The following AGBL1 variants were observed in gnomAD, a reference collection of about 807,000 sequenced individuals.
The protein encoded by AGBL1 is AGBL carboxypeptidase 1.
AGBL1 carries 130 observed loss-of-function variants against 118.9 expected under a neutral mutation model. That is an observed-to-expected ratio of 1.09 (90% CI 0.95 to 1.26). The LOEUF is 1.26. AGBL1 is among the 50% of genes most tolerant of loss of function. The probability of loss-of-function intolerance (pLI) is 0.00; values close to 1 mark genes in which losing one functional copy is unlikely to be tolerated. For missense variants in AGBL1, 1,584 were observed against 1,298.1 expected (o/e 1.22, Z -3.38); for synonymous variants, 555 against 478.9 (o/e 1.16, Z -2.08).
intron 18 of AGBL1, among the ~76,000 whole-genome samples, chr15:86,471,028 C>A (rs2082472430): frequency 6.6e-6 from 1 of 151,946 alleles, no homozygotes; most frequent in Non-Finnish European, 1.5e-5. Context: ...CTTTTCTTGC[C>A]AAATTGCCCT....
At chr15:86,300,140 C>A (rs2079722911) in intron 17 of AGBL1, among the ~76,000 whole-genome samples, 1 of 152,122 alleles carries the variant, frequency 6.6e-6, no homozygotes, top group Non-Finnish European at 1.5e-5. Flanking sequence ...CCTCTTTAGG[C>A]TTTGGTCTTA....
intron 18 of AGBL1, among the ~76,000 whole-genome samples, chr15:86,492,900 A>T (rs1266474752): frequency 6.6e-6 from 1 of 151,066 alleles, no homozygotes; most frequent in East Asian, 2.0e-4. Context: ...AGAAAGAGAT[A>T]GATATAGGCC....
chr15:86,818,515 A>G (rs752913603), intron 22 of AGBL1, among the ~76,000 whole-genome samples: 4 of 152,108 alleles, frequency 2.6e-5, no homozygotes, highest in Admixed American at 1.3e-4. Flanking sequence ...CCAAACCCCA[A>G]CTGTGGTCCC....
chr15:86,679,506 C>T (rs1441578053), intron 22 of AGBL1, among the ~76,000 whole-genome samples: 1 of 151,962 alleles, frequency 6.6e-6, no homozygotes, highest in African/African-American at 2.4e-5. Flanking sequence ...GGATAGAAAA[C>T]AGTATCATTT....
At chr15:86,297,731 C>T (rs1433502231) in intron 17 of AGBL1, among the ~76,000 whole-genome samples, 2 of 152,116 alleles carry the variant, frequency 1.3e-5, no homozygotes, top group Non-Finnish European at 2.9e-5. Context: ...TTCAGGACCC[C>T]TTATTTTACA....
At chr15:87,011,850 T>C (rs564400890) in intron 24 of AGBL1, among the ~76,000 whole-genome samples, 2 of 152,222 alleles carry the variant, frequency 1.3e-5, no homozygotes, top group Non-Finnish European at 2.9e-5. Flanking sequence ...AGAATGCCCA[T>C]TGTGTATATT....
intron 1 of AGBL1, among the ~76,000 whole-genome samples, chr15:86,121,203 T>C (rs907956982): frequency 3.3e-5 from 5 of 152,188 alleles, no homozygotes; most frequent in African/African-American, 1.2e-4. Context: ...TGGCCCACTT[T>C]TATCATTTTT....
intron 22 of AGBL1, among the ~76,000 whole-genome samples, chr15:86,813,594 C>A (rs1446873666): frequency 6.6e-6 from 1 of 152,096 alleles, no homozygotes. Flanking sequence ...TCATCTCTCT[C>A]AGGCCAACAG....
intron 23 of AGBL1, among the ~76,000 whole-genome samples, chr15:86,981,812 C>T (rs1371170154): frequency 6.6e-6 from 1 of 152,086 alleles, no homozygotes; most frequent in Non-Finnish European, 1.5e-5. Flanking sequence ...GATCCATCAC[C>T]ATTCTAAACC....
At chr15:86,844,808 T>C (rs1391376393) in intron 22 of AGBL1, among the ~76,000 whole-genome samples, 1 of 152,182 alleles carries the variant, frequency 6.6e-6, no homozygotes, top group African/African-American at 2.4e-5. Flanking sequence ...AATTTTGTCC[T>C]ATATTTCCAT....
chr15:87,002,030 G>A (rs1596727219), intron 24 of AGBL1, among the ~76,000 whole-genome samples: 1 of 152,126 alleles, frequency 6.6e-6, no homozygotes, highest in African/African-American at 2.4e-5. Context: ...TGCTTTTGGT[G>A]TTTTAGGCAT....
At chr15:86,280,753 T>C (rs1300810509) in intron 16 of AGBL1, among the ~76,000 whole-genome samples, 1 of 152,186 alleles carries the variant, frequency 6.6e-6, no homozygotes, top group Non-Finnish European at 1.5e-5. Context: ...TGTGCAGGTA[T>C]AAATGTGAAT....
intron 22 of AGBL1, among the ~76,000 whole-genome samples, chr15:86,791,119 A>G (rs1347454305): frequency 2.0e-5 from 3 of 152,182 alleles, no homozygotes; most frequent in African/African-American, 7.2e-5. Context: ...AATCTGGAAA[A>G]CACACGAACG....
intron 24 of AGBL1, among the ~76,000 whole-genome samples, chr15:86,997,892 CACACACACACACA>C (rs1567278941): frequency 0.079 from 2,259 of 28,580 alleles, 58 homozygotes; most frequent in African/African-American, 0.12. Flanking sequence ...ATGTGGAAGA[CACACACACACACA>C]CACACACACA....
chr15:86,441,890 C>T (rs566942002), intron 18 of AGBL1, among the ~76,000 whole-genome samples: 6 of 152,286 alleles, frequency 3.9e-5, no homozygotes, highest in South Asian at 4.1e-4. Context: ...GGCTGAGATC[C>T]GTTCTTGAAC....
chr15:86,205,867 T>G (rs1240943246), intron 5 of AGBL1, among the ~76,000 whole-genome samples: 1 of 152,222 alleles, frequency 6.6e-6, no homozygotes, highest in Admixed American at 6.5e-5. Flanking sequence ...CTAGGGTACA[T>G]GGGCACAACG....
chr15:86,499,497 A>C (rs1281768301), intron 18 of AGBL1, among the ~76,000 whole-genome samples: 1 of 151,914 alleles, frequency 6.6e-6, no homozygotes, highest in Non-Finnish European at 1.5e-5. Flanking sequence ...AGCAAGAATC[A>C]AATCTGTGGA....
chr15:86,437,611 C>G (rs886564890), intron 18 of AGBL1, among the ~76,000 whole-genome samples: 4 of 152,176 alleles, frequency 2.6e-5, no homozygotes, highest in African/African-American at 9.7e-5. Context: ...AATCCTAATC[C>G]TGGTTGGTGA....
At chr15:86,570,761 C>T (rs764431210) in intron 21 of AGBL1, among the ~76,000 whole-genome samples, 8 of 152,106 alleles carry the variant, frequency 5.3e-5, no homozygotes, top group Non-Finnish European at 7.4e-5. Flanking sequence ...TTTATGGGAT[C>T]TTTGGGGTGT....
Sources: gnomAD v4.1 joint callset for allele counts (sites outside exome capture counted in the v4.1 genomes callset) on GRCh38, gnomAD v4.1.1 for gene constraint, MANE v1.5 for transcripts, NCBI Gene and HGNC (gene_info 2026-07-23, HGNC 2026-07-21) for gene names.